Variants in ASTN2 observed in about 807,000 individuals in gnomAD.
The protein encoded by ASTN2 is astrotactin-2.
ASTN2 carries 54 observed loss-of-function variants against 139.8 expected under a neutral mutation model. That is an observed-to-expected ratio of 0.39 (90% CI 0.31 to 0.48). The LOEUF (loss-of-function observed/expected upper bound fraction) is 0.48. Ranked by LOEUF, ASTN2 falls within the 20% of genes least tolerant of loss-of-function variation. ASTN2 has a pLI of 0.95. For synonymous variants in ASTN2, 756 were observed against 719.5 expected, an observed-to-expected ratio of 1.05 and a Z score of -0.81; for missense variants, 1,565 against 1,725.1, an observed-to-expected ratio of 0.91 and a Z score of 1.64.
intron 4 of ASTN2, among the ~76,000 whole-genome samples, chr9:117,135,572 C>T (rs779184691): frequency 2.2e-4 from 33 of 152,170 alleles, no homozygotes; most frequent in South Asian, 4.2e-4. Flanking sequence ...TACAGACAGA[C>T]ATAAATCACT....
intron 4 of ASTN2, among the ~76,000 whole-genome samples, chr9:117,113,081 G>T (rs1197615356): frequency 3.9e-5 from 6 of 152,122 alleles, no homozygotes; most frequent in Non-Finnish European, 8.8e-5. Context: ...AAAAAGATCA[G>T]TCTTACCAGT....
chr9:117,320,715 T>G (rs12341654), intron 1 of ASTN2, among the ~76,000 whole-genome samples: 6,751 of 152,220 alleles, frequency 0.044, 497 homozygotes, highest in African/African-American at 0.16. Flanking sequence ...CTGTCACATG[T>G]GCTAATTGCC....
intron 4 of ASTN2, among the ~76,000 whole-genome samples, chr9:117,131,355 T>C (rs1391261758): frequency 6.6e-6 from 1 of 152,170 alleles, no homozygotes; most frequent in Non-Finnish European, 1.5e-5. Flanking sequence ...ATAGATGCTG[T>C]AGCAATAAGA....
At chr9:116,827,015 G>T (rs2132278566) in intron 11 of ASTN2, among the ~76,000 whole-genome samples, 1 of 152,200 alleles carries the variant, frequency 6.6e-6, no homozygotes, top group African/African-American at 2.4e-5. Flanking sequence ...ACACCTGAAA[G>T]AACTAGAAAT....
intron 10 of ASTN2, among the ~76,000 whole-genome samples, chr9:116,960,245 G>A (rs1835838726): frequency 6.6e-6 from 1 of 152,114 alleles, no homozygotes; most frequent in Non-Finnish European, 1.5e-5. Flanking sequence ...CAGCCAAAGG[G>A]TTTCAAAAAC....
chr9:116,906,990 C>A (rs770300623), intron 10 of ASTN2, among the ~76,000 whole-genome samples: 4 of 152,240 alleles, frequency 2.6e-5, no homozygotes, highest in Non-Finnish European at 4.4e-5. Flanking sequence ...CAATTGCTAA[C>A]CTTTATTGAG....
chr9:117,251,749 A>C (rs1833544251), intron 2 of ASTN2, among the ~76,000 whole-genome samples: 1 of 152,222 alleles, frequency 6.6e-6, no homozygotes, highest in Admixed American at 6.5e-5. Context: ...AGAGAGAGGC[A>C]AACCTGGAGG....
intron 2 of ASTN2, among the ~76,000 whole-genome samples, chr9:117,234,114 G>A (rs1436864600): frequency 6.6e-6 from 1 of 152,170 alleles, no homozygotes; most frequent in Non-Finnish European, 1.5e-5. Flanking sequence ...GAAAGGGGGA[G>A]TTAGATGAGA....
intron 13 of ASTN2, among the ~76,000 whole-genome samples, chr9:116,785,942 A>T (rs1178369293): frequency 6.6e-6 from 1 of 152,150 alleles, no homozygotes; most frequent in Non-Finnish European, 1.5e-5. Flanking sequence ...TCAGAGTAAA[A>T]TTCAAGCTAC....
At chr9:116,745,159 A>G (rs1829201369) in intron 13 of ASTN2, among the ~76,000 whole-genome samples, 1 of 152,230 alleles carries the variant, frequency 6.6e-6, no homozygotes, top group Non-Finnish European at 1.5e-5. Context: ...AAAGAAGCAG[A>G]GGCAGTATAG....
intron 19 of ASTN2, among the ~76,000 whole-genome samples, chr9:116,520,158 G>T (rs774218841): frequency 2.0e-5 from 3 of 151,986 alleles, no homozygotes; most frequent in Non-Finnish European, 4.4e-5. Context: ...TATGACACCA[G>T]TATCATCCTA....
At chr9:117,393,318 T>C (rs1214240493) in intron 1 of ASTN2, among the ~76,000 whole-genome samples, 2 of 151,994 alleles carry the variant, frequency 1.3e-5, no homozygotes, top group African/African-American at 4.8e-5. Context: ...CTTGAGATTG[T>C]TGGGGACAGA....
chr9:116,592,648 T>C (rs1334766506), intron 19 of ASTN2, among the ~76,000 whole-genome samples: 20 of 152,208 alleles, frequency 1.3e-4, no homozygotes, highest in Admixed American at 1.3e-3. Context: ...GTTGCATTCA[T>C]GAATGCAAAA....
intron 19 of ASTN2, among the ~76,000 whole-genome samples, chr9:116,590,305 C>T (rs373639477): frequency 6.6e-6 from 1 of 152,374 alleles, no homozygotes; most frequent in South Asian, 2.1e-4. Flanking sequence ...TGGCCTCTCC[C>T]CGCTTCAAGC....
chr9:116,775,602 AG>A (rs1564260238), intron 13 of ASTN2, among the ~76,000 whole-genome samples: 1 of 76,860 alleles, frequency 1.3e-5, no homozygotes, highest in African/African-American at 5.0e-5. Context: ...GGAGGGAGGG[AG>A]GGAAAGAAGG....
At chr9:116,986,160 G>GCCCCC (rs34143043) in intron 7 of ASTN2, among the ~76,000 whole-genome samples, 8 of 131,824 alleles carry the variant, frequency 6.1e-5, no homozygotes, top group South Asian at 2.7e-4. Context: ...TGTCCAGGCT[G>GCCCCC]CCCCCCCCCA....
At chr9:116,833,989 A>T (rs1371862723) in intron 11 of ASTN2, among the ~76,000 whole-genome samples, 2 of 152,146 alleles carry the variant, frequency 1.3e-5, no homozygotes, top group African/African-American at 2.4e-5. Flanking sequence ...AAAACGAATT[A>T]GCCAGCACCT....
intron 1 of ASTN2, among the ~76,000 whole-genome samples, chr9:117,376,625 A>C (rs1830131275): frequency 1.3e-5 from 2 of 152,168 alleles, no homozygotes; most frequent in South Asian, 4.1e-4. Context: ...GGAGGAGCGA[A>C]GCCTGAGCTA....
At chr9:116,937,015 T>C (rs1835101327) in intron 10 of ASTN2, among the ~76,000 whole-genome samples, 1 of 152,156 alleles carries the variant, frequency 6.6e-6, no homozygotes, top group Admixed American at 6.5e-5. Flanking sequence ...GTCGGATTTT[T>C]AATTTGGTTT....
Sources: allele counts gnomAD v4.1 joint callset (sites outside exome capture counted in the v4.1 genomes callset), GRCh38; gene constraint gnomAD v4.1.1; transcripts MANE v1.5; gene names NCBI Gene and HGNC (gene_info 2026-07-23, HGNC 2026-07-21).